SNX10: variants seen among roughly 807,000 people sequenced by gnomAD.
The protein encoded by SNX10 is sorting nexin 10, also known as sorting nexin-10.
A neutral mutation model predicts 28.5 loss-of-function variants in SNX10; 25 were observed. That is an observed-to-expected ratio of 0.88 (90% CI 0.64 to 1.22). SNX10 has a LOEUF of 1.22. Ranked by LOEUF, SNX10 falls within the 50% of genes most tolerant of loss-of-function variation. The pLI is 0.00. For missense variants in SNX10, 223 were observed against 242.6 expected (o/e 0.92, Z 0.54); for synonymous variants, 62 against 81.4 (o/e 0.76, Z 1.28).
intron 1 of SNX10, among the ~76,000 whole-genome samples, chr7:26,311,030 A>G (rs1786820116): frequency 6.6e-6 from 1 of 152,040 alleles, no homozygotes; most frequent in Non-Finnish European, 1.5e-5. Context: ...AGACACCTGG[A>G]GTGTACAGAA....
chr7:26,346,274 C>T, intron 1 of SNX10, 146 bp from the exon 2 acceptor site: 1 of 661,100 alleles, frequency 1.5e-6, no homozygotes, highest in Non-Finnish European at 2.7e-6. Flanking sequence ...CAGGAGAGGG[C>T]AGCGTGGGAG....
At chr7:26,362,353 A>G (rs1254523775) in intron 3 of SNX10, among the ~76,000 whole-genome samples, 4 of 152,230 alleles carry the variant, frequency 2.6e-5, no homozygotes, top group East Asian at 1.9e-4. Context: ...CACACACTTC[A>G]TGATAGGCAT....
Position 26,373,034 on chromosome 7 carries a change from CCT to C in SNX10, c.*463_*464del, listed in dbSNP as rs1180895198. On this transcript the variant is annotated 3_prime_UTR_variant, in exon 7 of 7. Transcript: ENST00000338523. The surrounding 1 kb of genome is among the most constrained non-coding windows in gnomAD (Gnocchi z 4.2). The stretch of plus-strand genomic sequence containing the variant: ...CCAGACTGCCTCTCTCAGATATGTG[CCT>C]GATATTTTGTGGATACCTCCCCTGC... The C allele has an allele frequency of 6.5e-6, 1 of 153,046 alleles. No individual in the cohort carries two copies. Among genetic ancestry groups the C allele is most frequent in the Non-Finnish European group, 1.5e-5 (1 of 68,664 alleles). 9.5% of individuals were successfully genotyped at this position (153,046 alleles called of 1,614,324 possible).
At chr7:26,296,600 C>T (rs190293683) in intron 1 of SNX10, among the ~76,000 whole-genome samples, 36 of 152,174 alleles carry the variant, frequency 2.4e-4, no homozygotes, top group Non-Finnish European at 4.1e-4. Flanking sequence ...ACTTTTAACA[C>T]GACTTAAATT....
At chr7:26,293,634 T>C (rs761109515) in intron 1 of SNX10, among the ~76,000 whole-genome samples, 3 of 152,242 alleles carry the variant, frequency 2.0e-5, no homozygotes, top group Non-Finnish European at 4.4e-5. Flanking sequence ...GTGATTAGCA[T>C]GGACTCAACT....
intron 1 of SNX10, among the ~76,000 whole-genome samples, chr7:26,338,026 G>A (rs967850826): frequency 2.0e-5 from 3 of 151,960 alleles, no homozygotes; most frequent in African/African-American, 7.3e-5. Flanking sequence ...TCTCATTGTG[G>A]ATTAGTGATG....
At chr7:26,322,115 C>A (rs938200990) in intron 1 of SNX10, among the ~76,000 whole-genome samples, 1 of 151,854 alleles carries the variant, frequency 6.6e-6, no homozygotes, top group Non-Finnish European at 1.5e-5. Context: ...TTTCTTGATA[C>A]CCCAGGCAGC....
At chr7:26,302,016 G>A (rs1214541585) in intron 1 of SNX10, among the ~76,000 whole-genome samples, 2 of 152,162 alleles carry the variant, frequency 1.3e-5, no homozygotes, top group Non-Finnish European at 2.9e-5. Flanking sequence ...ATAAAAGGCT[G>A]TAACTTGGGG....
intron 2 of SNX10, 30 bp from the exon 3 acceptor site, chr7:26,360,944 GA>G (rs1789039037): frequency 1.2e-6 from 2 of 1,607,026 alleles, no homozygotes; most frequent in South Asian, 1.1e-5. Context: ...CAGTTCTGAA[GA>G]ATATTTCTTT....
intron 5 of SNX10, 109 bp from the exon 6 acceptor site, chr7:26,371,712 C>T (rs796903686): frequency 1.3e-6 from 1 of 750,366 alleles, no homozygotes. Flanking sequence ...CAAAGTTTAC[C>T]ACAGTAGAGA....
intron 2 of SNX10, among the ~76,000 whole-genome samples, chr7:26,347,858 C>A (rs1788449161): frequency 6.6e-6 from 1 of 152,052 alleles, no homozygotes; most frequent in Non-Finnish European, 1.5e-5. Context: ...TCAGAAAAAA[C>A]CCACAAAAAA....
chr7:26,369,825 C>T (rs1173685345), intron 5 of SNX10, among the ~76,000 whole-genome samples: 1 of 152,168 alleles, frequency 6.6e-6, no homozygotes, highest in Non-Finnish European at 1.5e-5. Flanking sequence ...GGACAGTAGC[C>T]TTGAGGTCCC....
chr7:26,297,629 C>T (rs561873018), intron 1 of SNX10, among the ~76,000 whole-genome samples: 13 of 152,292 alleles, frequency 8.5e-5, no homozygotes, highest in African/African-American at 2.9e-4. Context: ...GGTCATCCTC[C>T]TTCCTTCTTT....
chr7:26,329,462 C>T (rs1787640121), intron 1 of SNX10, among the ~76,000 whole-genome samples: 1 of 152,158 alleles, frequency 6.6e-6, no homozygotes, highest in Non-Finnish European at 1.5e-5. Context: ...AAAACATCAC[C>T]CAGTTTTGTT....
intron 1 of SNX10, among the ~76,000 whole-genome samples, chr7:26,309,606 G>C (rs115022375): frequency 3.3e-5 from 5 of 152,074 alleles, no homozygotes; most frequent in Non-Finnish European, 1.5e-5. Flanking sequence ...GGCTTCTCCC[G>C]GGTTCATGTA....
At chr7:26,320,351 A>T (rs1276768269) in intron 1 of SNX10, among the ~76,000 whole-genome samples, 11 of 152,156 alleles carry the variant, frequency 7.2e-5, no homozygotes, top group Admixed American at 2.6e-4. Context: ...AAGTAAAAAA[A>T]TGAAAGCCCC....
chr7:26,352,377 A>G (rs900995965), intron 2 of SNX10, among the ~76,000 whole-genome samples: 2 of 152,174 alleles, frequency 1.3e-5, no homozygotes, highest in East Asian at 1.9e-4. Flanking sequence ...GCGATCATCA[A>G]TAGCCACAAC....
intron 2 of SNX10, chr7:26,360,720 C>A: frequency 2.9e-6 from 2 of 688,180 alleles, no homozygotes; most frequent in Non-Finnish European, 4.1e-6. Flanking sequence ...TTCAGATAAC[C>A]AGTAAAACTA....
At chr7:26,320,460 C>T (rs1306203958) in intron 1 of SNX10, among the ~76,000 whole-genome samples, 1 of 151,892 alleles carries the variant, frequency 6.6e-6, no homozygotes, top group African/African-American at 2.4e-5. Flanking sequence ...GAGATGGAGT[C>T]TCACTCTGTT....
Sources: allele counts gnomAD v4.1 joint callset (sites outside exome capture counted in the v4.1 genomes callset), GRCh38; gene constraint gnomAD v4.1.1; non-coding constraint Gnocchi (gnomAD v3.1); transcripts MANE v1.5; gene names NCBI Gene and HGNC (gene_info 2026-07-23, HGNC 2026-07-21).